The following CORIN variants were observed in gnomAD, a reference collection of about 807,000 sequenced individuals.
CORIN encodes corin, serine peptidase.
A neutral mutation model predicts 125.3 loss-of-function variants in CORIN; 117 were observed. That is an observed-to-expected ratio of 0.93 (90% CI 0.80 to 1.09). The LOEUF is 1.09. Among genes scored for constraint, CORIN ranks in the 50% least tolerant of loss-of-function variants. The probability of loss-of-function intolerance (pLI) is 0.00; values close to 1 mark genes in which losing one functional copy is unlikely to be tolerated. For missense variants in CORIN, 1,253 were observed against 1,306.7 expected (o/e 0.96, Z 0.63); for synonymous variants, 450 against 466.4 (o/e 0.96, Z 0.45).
intron 2 of CORIN, 52 bp from the exon 3 acceptor site, chr4:47,786,977 A>G (rs765843795): frequency 6.5e-5 from 81 of 1,247,778 alleles, no homozygotes; most frequent in Non-Finnish European, 8.3e-5. Context: ...ACATTACTAG[A>G]AGTGTTTATT....
chr4:47,785,621 A>C (rs1730757761), intron 3 of CORIN, among the ~76,000 whole-genome samples: 1 of 152,188 alleles, frequency 6.6e-6, no homozygotes, highest in Admixed American at 6.5e-5. Flanking sequence ...ATGTCTCAAA[A>C]GGAAATAGGG....
chr4:47,619,265 A>G (rs564823198), intron 19 of CORIN, among the ~76,000 whole-genome samples: 1 of 152,326 alleles, frequency 6.6e-6, no homozygotes, highest in Non-Finnish European at 1.5e-5. Flanking sequence ...TTCATAGCAG[A>G]GCAAAACAAA....
At chr4:47,793,177 G>T (rs1449074184) in intron 2 of CORIN, among the ~76,000 whole-genome samples, 1 of 152,086 alleles carries the variant, frequency 6.6e-6, no homozygotes, top group African/African-American at 2.4e-5. Flanking sequence ...CCTCCTTTGT[G>T]TTCCCAGAGC....
At chr4:47,687,525 T>G (rs1338763208) in intron 6 of CORIN, among the ~76,000 whole-genome samples, 1 of 152,212 alleles carries the variant, frequency 6.6e-6, no homozygotes. Flanking sequence ...ATGTTAATAT[T>G]GATTTCAGTT....
chr4:47,680,981 T>C (rs1377666980), intron 7 of CORIN: 1 of 152,200 alleles, frequency 6.6e-6, no homozygotes. Flanking sequence ...TGATTCTTTT[T>C]AGCCTGGACT....
intron 5 of CORIN, among the ~76,000 whole-genome samples, chr4:47,739,715 A>C (rs1728301627): frequency 6.6e-6 from 1 of 151,932 alleles, no homozygotes. Flanking sequence ...ACAACTGCAT[A>C]AATAATTTAT....
intron 1 of CORIN, among the ~76,000 whole-genome samples, chr4:47,821,204 C>T (rs1484606065): frequency 6.6e-6 from 1 of 151,686 alleles, no homozygotes; most frequent in Non-Finnish European, 1.5e-5. Flanking sequence ...CACTGCACTC[C>T]AGCCTAGACG....
chr4:47,678,973 A>T (rs1234940111), intron 8 of CORIN, among the ~76,000 whole-genome samples: 1 of 152,212 alleles, frequency 6.6e-6, no homozygotes, highest in Non-Finnish European at 1.5e-5. Context: ...GTGACTTTTT[A>T]TATGACTTTT....
chr4:47,799,106 G>GGTGT (rs764434569), intron 2 of CORIN, among the ~76,000 whole-genome samples: 4,387 of 141,506 alleles, frequency 0.031, 89 homozygotes, highest in African/African-American at 0.056. Context: ...TATCCCATGG[G>GGTGT]GTGTGTGTGT....
intron 4 of CORIN, among the ~76,000 whole-genome samples, chr4:47,758,646 A>G (rs1387586656): frequency 6.6e-6 from 1 of 152,212 alleles, no homozygotes; most frequent in East Asian, 1.9e-4. Flanking sequence ...AGTTTCCATA[A>G]TCCTCATTTG....
At chr4:47,789,064 A>G (rs572193317) in intron 2 of CORIN, among the ~76,000 whole-genome samples, 22 of 152,264 alleles carry the variant, frequency 1.4e-4, no homozygotes, top group Non-Finnish European at 1.8e-4. Context: ...GCACTTTGGG[A>G]GGCCGAGGCA....
intron 19 of CORIN, among the ~76,000 whole-genome samples, chr4:47,616,583 G>T (rs1028539645): frequency 6.6e-6 from 1 of 152,182 alleles, no homozygotes; most frequent in African/African-American, 2.4e-5. Context: ...GGTTCCAGTG[G>T]GTTGAAAACT....
At chr4:47,705,919 GCT>G (rs1462312976) in intron 5 of CORIN, among the ~76,000 whole-genome samples, 37 of 152,066 alleles carry the variant, frequency 2.4e-4, no homozygotes, top group Admixed American at 2.4e-3. Flanking sequence ...CAAAATCATA[GCT>G]CTTTTAAAAA....
intron 6 of CORIN, among the ~76,000 whole-genome samples, chr4:47,690,667 T>A (rs1256770061): frequency 1.3e-5 from 2 of 152,340 alleles, no homozygotes; most frequent in East Asian, 3.9e-4. Context: ...GGCATTTTCT[T>A]CTGTTCCTCA....
At chr4:47,619,937 G>A (rs1722240174) in intron 19 of CORIN, among the ~76,000 whole-genome samples, 1 of 152,152 alleles carries the variant, frequency 6.6e-6, no homozygotes, top group Non-Finnish European at 1.5e-5. Flanking sequence ...ATTCCAGTGT[G>A]TTTTTTGACA....
chr4:47,617,897 G>T (rs1722130027), intron 19 of CORIN, among the ~76,000 whole-genome samples: 2 of 152,178 alleles, frequency 1.3e-5, no homozygotes, highest in African/African-American at 4.8e-5. Flanking sequence ...TTGTTCTTGG[G>T]AATAGGAGAG....
At chr4:47,772,244 C>T (rs1036592606) in intron 3 of CORIN, among the ~76,000 whole-genome samples, 1 of 152,164 alleles carries the variant, frequency 6.6e-6, no homozygotes, top group African/African-American at 2.4e-5. Flanking sequence ...CTTACTGTGA[C>T]AATGCTTTAA....
At position 47,674,410 on chromosome 4, in the gene CORIN, T is replaced by C. The variant is rs1724916372; in HGVS notation, c.1340A>G (p.Asn447Ser). The C allele has an allele frequency of 6.2e-7, 1 of 1,612,436 alleles. No homozygotes were observed. The highest frequency in any genetic ancestry group is 2.2e-5 in the East Asian group (1 of 44,836). The change falls in exon 10 of 22, where the codon AAC becomes AGC. Residue 447 changes from asparagine (N) to serine (S), a missense_variant. Asn to Ser is a conservative substitution (Grantham distance 46). Transcript: ENST00000273857. The part of the protein sequence containing the change: ...CGGSSLCDPN[N>S]SLNNCSQCEP... ...GTACTTACTACAGTTATTCAGACTGTTGTTCGGGTCACAGAGAGAGCTACC... is the reference window on the plus strand; with the variant it reads ...GTACTTACTACAGTTATTCAGACTGCTGTTCGGGTCACAGAGAGAGCTACC...
At chr4:47,790,126 T>C in intron 2 of CORIN, 1 of 606,588 alleles carries the variant, frequency 1.6e-6, no homozygotes. Flanking sequence ...TATTGTGCTA[T>C]GGTTAAAAGT....
Sources: allele counts gnomAD v4.1 joint callset (sites outside exome capture counted in the v4.1 genomes callset), GRCh38; gene constraint gnomAD v4.1.1; transcripts MANE v1.5; gene names NCBI Gene and HGNC (gene_info 2026-07-23, HGNC 2026-07-21).